CES2: variants seen among roughly 807,000 people sequenced by gnomAD.
The protein encoded by CES2 is carboxylesterase 2.
Under a neutral mutation model 52.1 loss-of-function variants are expected in CES2, and 42 were observed. The ratio of observed to expected loss-of-function variants is 0.81; its 90% CI spans 0.63 to 1.04. The LOEUF is 1.04. CES2 is among the 50% of genes least tolerant of loss of function. CES2 has a pLI of 0.00. For missense variants in CES2, 656 were observed against 724.3 expected (o/e 0.91, Z 1.08); for synonymous variants, 277 against 289.6 (o/e 0.96, Z 0.44).
chr16:66,935,337 G>A (rs989080702), upstream of CES2: 12 of 1,245,512 alleles, frequency 9.6e-6, no homozygotes, highest in African/African-American at 1.5e-4. Flanking sequence ...CCTGGATCGC[G>A]GAAGGGCTGC....
chr16:66,938,876 C>G (rs1335208968), intron 2 of CES2, among the ~76,000 whole-genome samples: 2 of 152,182 alleles, frequency 1.3e-5, no homozygotes, highest in African/African-American at 4.8e-5. Context: ...GGGCTACTCC[C>G]CTGTCCCAGG....
chr16:66,939,841 A>C (rs1597007216), intron 3 of CES2, among the ~76,000 whole-genome samples: 1 of 152,232 alleles, frequency 6.6e-6, no homozygotes, highest in African/African-American at 2.4e-5. Flanking sequence ...AGCTGGGACT[A>C]CTGGCCTATT....
At chr16:66,939,384 G>C in intron 3 of CES2, 26 bp downstream of exon 3, 2 of 1,612,816 alleles carry the variant, frequency 1.2e-6, no homozygotes, top group Non-Finnish European at 1.7e-6. Context: ...CAGTTCACTG[G>C]GGGTTGGAGG....
chr16:66,943,356 A>G lies in CES2; in HGVS notation c.1478A>G (p.Asn493Ser), dbSNP rs1963409029. Reference sequence around the variant, plus strand: ...AGGAAGATGATGAAGTACTGGGCCAACTTTGCGAGAAATGGGTGAGACAGC... The same window carrying G: ...AGGAAGATGATGAAGTACTGGGCCAGCTTTGCGAGAAATGGGTGAGACAGC... ...LSRKMMKYWA[N>S]FARNGNPNGE... The change falls in exon 11 of 12, where the codon AAC (asparagine) becomes AGC (serine). Residue 493 changes from asparagine to serine, a missense_variant. By Grantham distance (46) the Asn-to-Ser change is conservative. Coordinates refer to ENST00000317091, the MANE Select transcript of CES2 (RefSeq NM_001365405.1). This position sits in a 1 kb window ranked among gnomAD's most constrained non-coding sequence, Gnocchi z 4.2. 2 of 1,614,158 alleles carry G rather than the reference A, an allele frequency of 1.2e-6. No homozygotes were observed. The highest frequency in any genetic ancestry group is 1.1e-5 in the South Asian group (1 of 91,084).
intron 1 of CES2, among the ~76,000 whole-genome samples, chr16:66,936,528 A>C (rs190067712): frequency 6.6e-6 from 1 of 152,220 alleles, no homozygotes; most frequent in East Asian, 1.9e-4. Flanking sequence ...CTGTCTCCAG[A>C]AACAAGAACC....
intron 1 of CES2, 76 bp downstream of exon 1, chr16:66,935,787 C>A: frequency 6.3e-7 from 1 of 1,594,704 alleles, no homozygotes; most frequent in East Asian, 2.2e-5. Context: ...CCTGACAGTG[C>A]GGGAGGGCAG....
chr16:66,941,235 G>T lies in CES2; in HGVS notation c.915+13G>T, dbSNP rs1279037472. The stretch of plus-strand genomic sequence containing the variant: ...TGCAATTAACAAGGTTGGTCTAAAT[G>T]GATGTGGGTGTAGAGGAAGGGGTGC... On this transcript the variant is annotated intron_variant, in intron 6 of 11. Transcript: ENST00000317091. The T allele has an allele frequency of 1.2e-6, 2 of 1,613,730 alleles. No homozygotes were observed. Among genetic ancestry groups the T allele is most frequent in the Admixed American group, 3.3e-5 (2 of 59,990 alleles).
At position 66,936,102 on chromosome 16, in the gene CES2, T is replaced by G. The variant is rs751539813; in HGVS notation, c.76+391T>G. On this transcript the variant is annotated intron_variant, in intron 1 of 11. Coordinates refer to ENST00000317091, the MANE Select transcript of CES2 (RefSeq NM_001365405.1). ...ATAACAGTAATAGCTTCTGGCAGCA[T>G]CTGGCTCTCAGTGTGTGGCGTCCTT... is the stretch of plus-strand genomic sequence containing the variant. 2.0e-4 allele frequency: 183 copies of G among 912,540 alleles called. 1 individual carries two copies. The highest frequency in any genetic ancestry group is 2.6e-4 in the Non-Finnish European group (181 of 708,028). 56.5% of individuals were successfully genotyped at this position (912,540 alleles called of 1,614,324 possible).
rs574152236 is a variant in CES2 at position 66,942,715 on chromosome 16, A to G, written c.1350A>G (p.Pro450=). Residue 450 remains proline, a synonymous_variant, in exon 10 of 12, where the codon CCA becomes CCG. Transcript: ENST00000317091. ...HQPSWLKNIR[P]PHMKADHGDE... is the part of the protein sequence containing the mutation. Reference sequence around the variant, plus strand: ...CCAGCTGGCTCAAGAACATCAGGCCACCGCACATGAAGGCAGACCATGGTG... The same window carrying G: ...CCAGCTGGCTCAAGAACATCAGGCCGCCGCACATGAAGGCAGACCATGGTG... 3.1e-6 allele frequency: 5 copies of G among 1,614,102 alleles called. No homozygotes were observed. The highest frequency in any genetic ancestry group is 4.2e-6 in the Non-Finnish European group (5 of 1,180,054).
At position 66,937,605 on chromosome 16, in the gene CES2, C is replaced by A. The variant is rs141769947; in HGVS notation, c.77-432C>A. Among the ~76,000 whole-genome samples, 445 of 152,302 alleles carry A rather than the reference C, an allele frequency of 2.9e-3. 5 individuals carry two copies. Among genetic ancestry groups the A allele is most frequent in the African/African-American group, 0.01 (420 of 41,560 alleles). On this transcript the variant is annotated intron_variant, in intron 1 of 11. Coordinates refer to ENST00000317091, the MANE Select transcript of CES2 (RefSeq NM_001365405.1). ...GCCACAGCCATACTTTTCTCTTGCACCTCTTTTCACCAACATCACTCATGG... is the reference window on the plus strand; with the variant it reads ...GCCACAGCCATACTTTTCTCTTGCAACTCTTTTCACCAACATCACTCATGG...
At position 66,943,917 on chromosome 16, in the gene CES2, T is replaced by A. The variant is rs766212774; in HGVS notation, c.1572T>A (p.Pro524=). ...AATACCTGCAGCTGAACCTACAGCC[T>A]GCGGTGGGCCGGGCTCTGAAGGCCC... The part of the protein sequence containing the change: ...EEQYLQLNLQ[P]AVGRALKAHR... The change falls in exon 12 of 12, where the codon CCT becomes CCA. Residue 524 remains proline (P), a synonymous_variant. Coordinates refer to ENST00000317091, the MANE Select transcript of CES2 (RefSeq NM_001365405.1). The surrounding 1 kb of genome is among the most constrained non-coding windows in gnomAD (Gnocchi z 4.2). 9.3e-6 allele frequency: 15 copies of A among 1,610,268 alleles called. No individual in the cohort carries two copies.
chr16:66,942,193 A>C lies in CES2; in HGVS notation c.1226A>C (p.Glu409Ala). 1 of 1,613,890 alleles carries C rather than the reference A, an allele frequency of 6.2e-7. No individual in the cohort carries two copies. ...CAGACCCTCCAAGCGCAGTTCCAGG[A>C]GATGATGGCGGACTCCATGTTTGTG... ...DPQTLQAQFQ[E>A]MMADSMFVIP... Residue 409 changes from glutamate (E) to alanine (A), a missense_variant, in exon 9 of 12, where the codon GAG (glutamate) becomes GCG (alanine). Physicochemically the swap from Glu to Ala is moderately radical, Grantham distance 107 (BLOSUM62 -1). Coordinates refer to ENST00000317091, the MANE Select transcript of CES2 (RefSeq NM_001365405.1).
upstream of CES2, chr16:66,935,486 G>C (rs200505222): frequency 1.8e-4 from 288 of 1,613,466 alleles, 1 homozygote; most frequent in Middle Eastern, 8.3e-4. Flanking sequence ...CACCTTTCCC[G>C]GCCCAAGCCA....
intron 2 of CES2, 28 bp from the exon 3 acceptor site, chr16:66,939,188 CT>C: frequency 6.2e-7 from 1 of 1,612,070 alleles, no homozygotes; most frequent in Non-Finnish European, 8.5e-7. Context: ...AGCCTGGCCC[CT>C]GGACTGATTA....
Position 66,942,919 on chromosome 16 carries a change from A to T in CES2, c.1420+134A>T, listed in dbSNP as rs1597010823. On this transcript the variant is annotated intron_variant, in intron 10 of 11. Coordinates refer to ENST00000317091, the MANE Select transcript of CES2 (RefSeq NM_001365405.1). ...GATGAGATCAGGTGTCCAAGGTTTT[A>T]TAGCTCCAAAAGCTGCACCAGGATT... 4.1e-6 allele frequency: 6 copies of T among 1,457,204 alleles called. No individual in the cohort carries two copies. In the East Asian group the frequency reaches 1.4e-4, roughly 33 times the overall value. The allele number at this position is 1,457,204 out of a possible 1,614,324, so 90.3% of individuals were successfully genotyped here.
chr16:66,938,104 G>A lies in CES2; in HGVS notation c.144G>A (p.Val48=). The change falls in exon 2 of 12, where the codon GTG becomes GTA. Residue 48 remains valine (V), a synonymous_variant. Coordinates refer to ENST00000317091, the MANE Select transcript of CES2 (RefSeq NM_001365405.1). ...TGQVLGSLVH[V]KGANAGVQTF... Reference sequence around the variant, plus strand: ...AGGTGCTGGGGAGTCTTGTCCATGTGAAGGGCGCCAATGCCGGGGTCCAAA... The same window carrying A: ...AGGTGCTGGGGAGTCTTGTCCATGTAAAGGGCGCCAATGCCGGGGTCCAAA... 1 of 1,614,160 alleles carries A rather than the reference G, an allele frequency of 6.2e-7. No individual in the cohort carries two copies. Among genetic ancestry groups the A allele is most frequent in the Non-Finnish European group, 8.5e-7 (1 of 1,180,024 alleles).
chr16:66,935,506 G>A (rs1157425428), upstream of CES2: 2 of 1,613,808 alleles, frequency 1.2e-6, no homozygotes, highest in African/African-American at 1.3e-5. Context: ...AGCGCACCCC[G>A]CTGACTCCCT....
intron 9 of CES2, 185 bp downstream of exon 9, chr16:66,942,434 C>A: frequency 1.2e-6 from 1 of 822,056 alleles, no homozygotes; most frequent in Non-Finnish European, 1.9e-6. Context: ...ATTTCACAGA[C>A]GAGCAAATTG....
At chr16:66,935,852 C>G in intron 1 of CES2, 141 bp downstream of exon 1, 1 of 1,529,002 alleles carries the variant, frequency 6.5e-7, no homozygotes, top group African/African-American at 1.4e-5. Flanking sequence ...GTGAGCCCCA[C>G]GCAACGCCTC....
Sources: gnomAD v4.1 joint callset for allele counts (sites outside exome capture counted in the v4.1 genomes callset) on GRCh38, gnomAD v4.1.1 for gene constraint, Gnocchi (gnomAD v3.1) non-coding constraint, MANE v1.5 for transcripts, NCBI Gene and HGNC (gene_info 2026-07-23, HGNC 2026-07-21) for gene names.